RGS7: variants seen among roughly 807,000 people sequenced by gnomAD.
RGS7 encodes regulator of G-protein signaling 7.
RGS7 carries 27 observed loss-of-function variants against 81.1 expected under a neutral mutation model. That is an observed-to-expected ratio of 0.33 (90% CI 0.25 to 0.46). The LOEUF (loss-of-function observed/expected upper bound fraction) is 0.46. Ranked by LOEUF, RGS7 falls within the 20% of genes least tolerant of loss-of-function variation. The pLI is 1.00. For synonymous variants in RGS7, 208 were observed against 207.7 expected, an observed-to-expected ratio of 1.00 and a Z score of -0.01; for missense variants, 396 against 607.4, an observed-to-expected ratio of 0.65 and a Z score of 3.66.
intron 2 of RGS7, among the ~76,000 whole-genome samples, chr1:241,190,129 G>C (rs1454225979): frequency 6.6e-6 from 1 of 151,998 alleles, no homozygotes; most frequent in African/African-American, 2.4e-5. Flanking sequence ...GGTCCTATCT[G>C]TATGGGTATA....
chr1:241,067,954 T>A (rs2148856264), intron 3 of RGS7, among the ~76,000 whole-genome samples: 1 of 151,926 alleles, frequency 6.6e-6, no homozygotes, highest in African/African-American at 2.4e-5. Context: ...ATTGCTCCCA[T>A]CTGAATGTAG....
chr1:240,960,217 C>CTTCTTTTTTTT (rs60911948), intron 4 of RGS7, among the ~76,000 whole-genome samples: 102 of 8,942 alleles, frequency 0.011, 7 homozygotes, highest in African/African-American at 0.027. Context: ...TCTTCTTCTT[C>CTTCTTTTTTTT]TTTTTTTTTT....
At chr1:241,325,460 G>A (rs950489662) in intron 2 of RGS7, among the ~76,000 whole-genome samples, 3 of 152,156 alleles carry the variant, frequency 2.0e-5, no homozygotes, top group South Asian at 4.1e-4. Flanking sequence ...ACCATAGGAC[G>A]GTAAAAAGGG....
At position 240,934,974 on chromosome 1, in the gene RGS7, C is replaced by T. The variant is rs373101411; in HGVS notation, c.333+1626G>A. Among the ~76,000 whole-genome samples, 18 of 149,350 alleles carry T rather than the reference C, an allele frequency of 1.2e-4. No homozygotes were observed. The East Asian group carries it at 2.2e-3, about 18-fold the overall frequency. On this transcript the variant is annotated intron_variant, in intron 5 of 18. Transcript: ENST00000440928. The stretch of plus-strand genomic sequence containing the variant: ...CACAATCTCGGCTCACTGCAACCTC[C>T]ATCTCCCAGGTTCAAGCTATTCTCC...
chr1:241,121,679 T>C lies in RGS7; in HGVS notation c.79-22917A>G, dbSNP rs141657010. The stretch of plus-strand genomic sequence containing the variant: ...TTAGAGAAGAAAGAGTTTATATATA[T>C]GCTAGTCTATCCACCTGTGTTGCAA... On this transcript the variant is annotated intron_variant, in intron 2 of 18. Coordinates refer to ENST00000440928, the MANE Select transcript of RGS7 (RefSeq NM_001364886.1). Among the ~76,000 whole-genome samples the C allele has an allele frequency of 5.1e-3, 775 of 150,776 alleles. 7 individuals are homozygous for C. The highest frequency in any genetic ancestry group is 0.018 in the African/African-American group (720 of 40,922).
At chr1:241,269,701 C>T (rs746310150) in intron 2 of RGS7, among the ~76,000 whole-genome samples, 7 of 152,174 alleles carry the variant, frequency 4.6e-5, no homozygotes, top group African/African-American at 7.2e-5. Context: ...GATGAGTGGG[C>T]GATCTGCTAC....
At chr1:241,072,331 G>C (rs1413696201) in intron 3 of RGS7, among the ~76,000 whole-genome samples, 2 of 152,202 alleles carry the variant, frequency 1.3e-5, no homozygotes, top group East Asian at 3.9e-4. Context: ...TGGGCAGAAT[G>C]CTCTGTTTTC....
intron 2 of RGS7, among the ~76,000 whole-genome samples, chr1:241,313,036 G>A (rs1307520486): frequency 6.6e-6 from 1 of 152,156 alleles, no homozygotes; most frequent in African/African-American, 2.4e-5. Flanking sequence ...CCAGAACAAG[G>A]CCCTAACTCT....
chr1:241,340,102 C>A (rs776605002), intron 2 of RGS7, among the ~76,000 whole-genome samples: 4 of 152,166 alleles, frequency 2.6e-5, no homozygotes, highest in Non-Finnish European at 5.9e-5. Flanking sequence ...AGATAAACTT[C>A]TTTTGTTGGA....
intron 2 of RGS7, among the ~76,000 whole-genome samples, chr1:241,226,532 T>C (rs1217915636): frequency 6.6e-6 from 1 of 152,192 alleles, no homozygotes; most frequent in Non-Finnish European, 1.5e-5. Context: ...GTAGTAGGAA[T>C]GAGGAGATAA....
chr1:240,792,285 C>T (rs1313712914), intron 18 of RGS7, among the ~76,000 whole-genome samples: 6 of 152,140 alleles, frequency 3.9e-5, no homozygotes, highest in Non-Finnish European at 5.9e-5. Context: ...TCCTTCATTT[C>T]TTCTATTTTG....
intron 6 of RGS7, among the ~76,000 whole-genome samples, chr1:240,923,714 A>T (rs1572786033): frequency 1.4e-5 from 1 of 72,410 alleles, no homozygotes; most frequent in African/African-American, 3.2e-5. Flanking sequence ...AATCCAGATG[A>T]AAAAAAAAAA....
chr1:241,210,979 G>GT (rs1458483771), intron 2 of RGS7, among the ~76,000 whole-genome samples: 1 of 152,120 alleles, frequency 6.6e-6, no homozygotes, highest in East Asian at 1.9e-4. Context: ...ACTTCTAAGT[G>GT]TTTCCATAAA....
chr1:240,877,099 G>T (rs1665555133), intron 6 of RGS7, among the ~76,000 whole-genome samples: 1 of 152,058 alleles, frequency 6.6e-6, no homozygotes, highest in African/African-American at 2.4e-5. Flanking sequence ...GAAATTGCAA[G>T]AAAATCATGA....
intron 9 of RGS7, among the ~76,000 whole-genome samples, chr1:240,839,623 T>A (rs1695279499): frequency 6.6e-6 from 1 of 152,112 alleles, no homozygotes; most frequent in Admixed American, 6.6e-5. Context: ...ATTTGTTCTG[T>A]GCTCCGAGGG....
At chr1:241,153,082 C>T (rs1232072632) in intron 2 of RGS7, among the ~76,000 whole-genome samples, 1 of 152,176 alleles carries the variant, frequency 6.6e-6, no homozygotes, top group East Asian at 1.9e-4. Flanking sequence ...ATACATTTCC[C>T]ATACGAGCAT....
intron 4 of RGS7, among the ~76,000 whole-genome samples, chr1:240,965,821 C>T (rs1451450933): frequency 1.3e-5 from 2 of 152,152 alleles, no homozygotes; most frequent in Non-Finnish European, 2.9e-5. Flanking sequence ...TACAGTACCA[C>T]GTCAGTGACC....
At position 240,930,734 on chromosome 1, in the gene RGS7, G is replaced by A; in HGVS notation, c.368C>T (p.Pro123Leu). Residue 123 changes from proline (P) to leucine (L), a missense_variant, in exon 6 of 19, where the codon CCG (proline) becomes CTG (leucine). Coordinates refer to ENST00000440928, the MANE Select transcript of RGS7 (RefSeq NM_001364886.1). ...PYFWPSNCWE[P>L]ENTDYAVYLC... ...GCACTGACCATAATCTGTGTTTTCC[G>A]GCTCCCAACAATTTGATGGCCAAAA... The A allele has an allele frequency of 1.2e-6, 2 of 1,613,642 alleles. No homozygotes were observed. Among genetic ancestry groups the A allele is most frequent in the Non-Finnish European group, 1.7e-6 (2 of 1,179,758 alleles).
chr1:240,937,614 T>A (rs955430963), intron 4 of RGS7, among the ~76,000 whole-genome samples: 2 of 152,226 alleles, frequency 1.3e-5, no homozygotes, highest in African/African-American at 4.8e-5. Flanking sequence ...TGTGATAATG[T>A]TCTCTCACAG....
Sources: gnomAD v4.1 joint callset for allele counts (sites outside exome capture counted in the v4.1 genomes callset) on GRCh38, gnomAD v4.1.1 for gene constraint, MANE v1.5 for transcripts, NCBI Gene and HGNC (gene_info 2026-07-23, HGNC 2026-07-21) for gene names.